The following ZNF609 variants were observed in gnomAD, a reference collection of about 807,000 sequenced individuals.
ZNF609 encodes zinc finger protein 609.
Under a neutral mutation model 109.5 loss-of-function variants are expected in ZNF609, and 11 were observed. That is an observed-to-expected ratio of 0.10 (90% CI 0.06 to 0.17). The LOEUF is 0.17. Ranked by LOEUF, ZNF609 falls within the 10% of genes least tolerant of loss-of-function variation. ZNF609 has a pLI of 1.00. For synonymous variants in ZNF609, 646 were observed against 662.0 expected, an observed-to-expected ratio of 0.98 and a Z score of 0.37; for missense variants, 1,559 against 1,772.4, an observed-to-expected ratio of 0.88 and a Z score of 2.16.
At chr15:64,639,785 G>A (rs867150856) in intron 3 of ZNF609, among the ~76,000 whole-genome samples, 13 of 152,180 alleles carry the variant, frequency 8.5e-5, no homozygotes, top group African/African-American at 3.1e-4. Flanking sequence ...AATAATTATT[G>A]TCACAAGTTG....
intron 2 of ZNF609, among the ~76,000 whole-genome samples, chr15:64,538,738 G>T (rs1310163917): frequency 1.3e-5 from 2 of 151,890 alleles, no homozygotes; most frequent in Non-Finnish European, 2.9e-5. Context: ...TAGAGACGGG[G>T]TTTCTCCATG....
In ZNF609 at chr15:64,631,546, T is replaced by C. The variant is rs1163567669; in HGVS notation, c.973+8494T>C. On this transcript the variant is annotated intron_variant, in intron 3 of 9. Coordinates refer to ENST00000326648, the MANE Select transcript of ZNF609 (RefSeq NM_015042.2). ...CTTCATATTTTCTTTTCTTTCTTTT[T>C]TTTTAGACGGAGTTTCGCTCTTGTT... 17 of 574,074 alleles carry C rather than the reference T, an allele frequency of 3.0e-5. No homozygotes were observed. The East Asian group carries it at 5.9e-4, about 20-fold the overall frequency. The allele number at this position is 574,074 out of a possible 1,614,324, so 35.6% of individuals were successfully genotyped here. A position where few individuals can be genotyped will look rare whatever the true frequency, so the allele number is the denominator to read the frequency against.
intron 2 of ZNF609, among the ~76,000 whole-genome samples, chr15:64,548,435 A>C (rs1894404170): frequency 6.6e-6 from 1 of 152,204 alleles, no homozygotes; most frequent in Admixed American, 6.5e-5. Flanking sequence ...AAGTCGATGA[A>C]TCAATAGACT....
chr15:64,644,981 T>TTTTCTTTCTTTC (rs147608283), intron 3 of ZNF609, among the ~76,000 whole-genome samples: 2,158 of 139,614 alleles, frequency 0.015, 24 homozygotes, highest in South Asian at 0.021. Context: ...CTTTCTTTCT[T>TTTTCTTTCTTTC]TTTCTTTCTT....
chr15:64,476,305 A>G (rs1893169208), intron 1 of ZNF609, among the ~76,000 whole-genome samples: 1 of 150,148 alleles, frequency 6.7e-6, no homozygotes, highest in Non-Finnish European at 1.5e-5. Flanking sequence ...AAAAAAAATC[A>G]ACCTCATGGA....
At chr15:64,680,479 C>G in intron 7 of ZNF609, 119 bp downstream of exon 7, 2 of 1,384,662 alleles carry the variant, frequency 1.4e-6, no homozygotes, top group East Asian at 4.6e-5. Context: ...TGACTTGACA[C>G]TGGCAGCCCC....
intron 2 of ZNF609, among the ~76,000 whole-genome samples, chr15:64,558,350 C>G (rs576311972): frequency 6.6e-6 from 1 of 152,168 alleles, no homozygotes; most frequent in Non-Finnish European, 1.5e-5. Flanking sequence ...CTTTATCTCT[C>G]AAAGCCTCAA....
intron 1 of ZNF609, among the ~76,000 whole-genome samples, chr15:64,466,081 A>G (rs1596373238): frequency 1.5e-5 from 2 of 131,644 alleles, no homozygotes; most frequent in African/African-American, 5.7e-5. Context: ...GCGCCATCGC[A>G]CTCCAGCCTG....
At chr15:64,526,369 T>C (rs76335794) in intron 2 of ZNF609, among the ~76,000 whole-genome samples, 1,975 of 152,272 alleles carry the variant, frequency 0.013, 33 homozygotes, top group African/African-American at 0.046. Flanking sequence ...GGATTTTCTA[T>C]ATATGAGATC....
At chr15:64,528,985 C>T in intron 2 of ZNF609, 2 of 1,507,694 alleles carry the variant, frequency 1.3e-6, no homozygotes, top group Non-Finnish European at 1.8e-6. Flanking sequence ...GAAGGCCATG[C>T]CAGTGAGCTT....
intron 2 of ZNF609, chr15:64,500,523 A>T (rs1329587092): frequency 1.6e-6 from 1 of 613,558 alleles, no homozygotes; most frequent in African/African-American, 1.8e-5. Context: ...TCCCAGCTTG[A>T]CTGGCATTTC....
At chr15:64,528,882 C>A in intron 2 of ZNF609, 1 of 990,616 alleles carries the variant, frequency 1.0e-6, no homozygotes. Flanking sequence ...CCCTCCGATG[C>A]CTACTTCACC....
intron 2 of ZNF609, among the ~76,000 whole-genome samples, chr15:64,522,513 A>T (rs995398949): frequency 2.6e-5 from 4 of 152,202 alleles, no homozygotes; most frequent in African/African-American, 9.7e-5. Context: ...TATGAAACTC[A>T]TCTTCTTTGT....
At position 64,670,437 on chromosome 15, in the gene ZNF609, A is replaced by G; in HGVS notation, c.1061+4A>G. On this transcript the variant is annotated splice_donor_region_variant and intron_variant, in intron 4 of 9. Coordinates refer to ENST00000326648, the MANE Select transcript of ZNF609 (RefSeq NM_015042.2). ...GACATGATTGGGCACCCCCAAGGTA[A>G]GCACTTACAGCTATTTAGTTTATAT... The G allele has an allele frequency of 6.2e-7, 1 of 1,611,492 alleles. No homozygotes were observed. The highest frequency in any genetic ancestry group is 8.5e-7 in the Non-Finnish European group (1 of 1,177,512).
intron 2 of ZNF609, among the ~76,000 whole-genome samples, chr15:64,525,875 A>G (rs1595707682): frequency 6.6e-6 from 1 of 151,248 alleles, no homozygotes; most frequent in South Asian, 2.1e-4. Flanking sequence ...TGCAACCTCC[A>G]CCCACCAGTT....
At chr15:64,624,201 C>T (rs777403400) in intron 3 of ZNF609, among the ~76,000 whole-genome samples, 7 of 152,112 alleles carry the variant, frequency 4.6e-5, no homozygotes, top group East Asian at 3.8e-4. Flanking sequence ...AGAATAACGT[C>T]GCTAATGAGG....
chr15:64,605,387 A>G (rs1895578174), intron 2 of ZNF609, among the ~76,000 whole-genome samples: 1 of 152,194 alleles, frequency 6.6e-6, no homozygotes, highest in African/African-American at 2.4e-5. Flanking sequence ...ATAAAAAGCC[A>G]TAACTGTATC....
intron 2 of ZNF609, among the ~76,000 whole-genome samples, chr15:64,542,277 T>TTA (rs1419895246): frequency 6.6e-6 from 1 of 152,192 alleles, no homozygotes; most frequent in Non-Finnish European, 1.5e-5. Flanking sequence ...CATACAATAT[T>TTA]TATGGGCCTC....
At chr15:64,514,202 C>T (rs1476740076) in intron 2 of ZNF609, among the ~76,000 whole-genome samples, 2 of 151,642 alleles carry the variant, frequency 1.3e-5, no homozygotes, top group African/African-American at 4.8e-5. Flanking sequence ...GGTTTTTGTT[C>T]CTTTCTTTCT....
Sources: allele counts gnomAD v4.1 joint callset (sites outside exome capture counted in the v4.1 genomes callset), GRCh38; gene constraint gnomAD v4.1.1; transcripts MANE v1.5; gene names NCBI Gene and HGNC (gene_info 2026-07-23, HGNC 2026-07-21).